CEP89: variants seen among roughly 807,000 people sequenced by gnomAD.
The protein encoded by CEP89 is centrosomal protein of 89 kDa.
In CEP89, 95 loss-of-function variants were observed where a neutral mutation model predicts 97.6. The ratio of observed to expected loss-of-function variants is 0.97; its 90% confidence interval spans 0.82 to 1.15. The LOEUF is 1.15. Ranked by LOEUF, CEP89 falls within the 50% of genes most tolerant of loss-of-function variation. The probability of loss-of-function intolerance (pLI) is 0.00; values close to 1 mark genes in which losing one functional copy is unlikely to be tolerated. For missense variants in CEP89, 869 were observed against 947.7 expected (o/e 0.92, Z 1.09); for synonymous variants, 354 against 349.1 (o/e 1.01, Z -0.16).
chr19:32,927,568 G>C (rs1180731608), intron 9 of CEP89, among the ~76,000 whole-genome samples: 1 of 151,954 alleles, frequency 6.6e-6, no homozygotes, highest in Admixed American at 6.6e-5. Flanking sequence ...ATCCAATTCA[G>C]GGTCACATGT....
chr19:32,934,087 C>G (rs1396709281), intron 7 of CEP89, among the ~76,000 whole-genome samples: 1 of 152,126 alleles, frequency 6.6e-6, no homozygotes, highest in East Asian at 1.9e-4. Context: ...AGAGTGGGGA[C>G]ACAGAGAAAA....
chr19:32,911,727 G>A (rs148105179), intron 14 of CEP89, among the ~76,000 whole-genome samples: 6 of 152,082 alleles, frequency 3.9e-5, no homozygotes, highest in African/African-American at 1.4e-4. Context: ...TCCAGTAATT[G>A]GAATCACTAG....
chr19:32,965,140 T>TG (rs1472086284), intron 2 of CEP89, among the ~76,000 whole-genome samples: 1 of 152,148 alleles, frequency 6.6e-6, no homozygotes, highest in African/African-American at 2.4e-5. Context: ...CTTAAACTCC[T>TG]GGGCACAAGC....
chr19:32,885,250 A>G (rs534262337), intron 17 of CEP89, among the ~76,000 whole-genome samples: 1 of 152,284 alleles, frequency 6.6e-6, no homozygotes, highest in Admixed American at 6.5e-5. Flanking sequence ...TCTAAGTCTT[A>G]TTTTACAGTT....
intron 14 of CEP89, among the ~76,000 whole-genome samples, chr19:32,906,253 C>T (rs1969885610): frequency 6.6e-6 from 1 of 152,026 alleles, no homozygotes; most frequent in Admixed American, 6.6e-5. Context: ...TCTATTCGCC[C>T]CTTGCCCACC....
intron 16 of CEP89, among the ~76,000 whole-genome samples, chr19:32,897,331 T>A (rs931406421): frequency 2.6e-5 from 4 of 152,200 alleles, no homozygotes; most frequent in African/African-American, 9.7e-5. Flanking sequence ...CATGGGGTCA[T>A]GGGTGCCATC....
chr19:32,899,474 A>T (rs746670435), intron 16 of CEP89, among the ~76,000 whole-genome samples: 4 of 152,164 alleles, frequency 2.6e-5, no homozygotes, highest in Non-Finnish European at 4.4e-5. Context: ...TTCTAGACTT[A>T]CAACAGGGCT....
chr19:32,885,621 C>G (rs979657639), intron 17 of CEP89, among the ~76,000 whole-genome samples: 2 of 152,150 alleles, frequency 1.3e-5, no homozygotes, highest in Non-Finnish European at 2.9e-5. Context: ...TGTGCCTGGC[C>G]ATTTTCTTTA....
chr19:32,930,021 CTTTTTTTTTTT>C (rs777333613), intron 9 of CEP89, among the ~76,000 whole-genome samples: 2 of 133,412 alleles, frequency 1.5e-5, no homozygotes, highest in African/African-American at 5.6e-5. Context: ...CTTTTTTTTC[CTTTTTTTTTTT>C]TTTTTTTGAG....
At chr19:32,928,854 G>A (rs1415618314) in intron 9 of CEP89, among the ~76,000 whole-genome samples, 1 of 152,146 alleles carries the variant, frequency 6.6e-6, no homozygotes, top group Non-Finnish European at 1.5e-5. Flanking sequence ...CTTCCTCCCT[G>A]CTCTGTGATC....
intron 14 of CEP89, among the ~76,000 whole-genome samples, chr19:32,903,820 T>C (rs184175026): frequency 3.3e-5 from 5 of 152,118 alleles, no homozygotes; most frequent in Non-Finnish European, 5.9e-5. Flanking sequence ...TGATGAAAAA[T>C]ACACACTGAT....
At chr19:32,959,634 C>T (rs561458275) in intron 3 of CEP89, among the ~76,000 whole-genome samples, 2 of 152,234 alleles carry the variant, frequency 1.3e-5, no homozygotes, top group South Asian at 4.1e-4. Context: ...ATGGCCAGGA[C>T]CCATACAAGT....
intron 7 of CEP89, 91 bp downstream of exon 7, chr19:32,937,540 A>T (rs1455466863): frequency 9.0e-7 from 1 of 1,106,058 alleles, no homozygotes; most frequent in Non-Finnish European, 1.4e-6. Flanking sequence ...TACAAGAAAA[A>T]GAAAATGTAA....
intron 6 of CEP89, among the ~76,000 whole-genome samples, chr19:32,938,328 T>C (rs1432661543): frequency 6.6e-6 from 1 of 152,080 alleles, no homozygotes; most frequent in African/African-American, 2.4e-5. Context: ...AGAGATGCCC[T>C]CAGCAAACTC....
intron 16 of CEP89, among the ~76,000 whole-genome samples, chr19:32,890,612 G>C (rs1047601076): frequency 1.1e-4 from 16 of 152,170 alleles, no homozygotes; most frequent in African/African-American, 3.6e-4. Flanking sequence ...CGACAGCCCA[G>C]ACAGGATGGG....
chr19:32,914,625 A>C (rs1260345487), intron 14 of CEP89, among the ~76,000 whole-genome samples: 1 of 152,042 alleles, frequency 6.6e-6, no homozygotes, highest in Non-Finnish European at 1.5e-5. Context: ...AGGCCAAAAC[A>C]GTATGAAAAA....
chr19:32,949,431 G>T (rs1970866351), intron 4 of CEP89, among the ~76,000 whole-genome samples: 1 of 151,978 alleles, frequency 6.6e-6, no homozygotes, highest in South Asian at 2.1e-4. Flanking sequence ...TGTCACCCTG[G>T]CTGGAGTGCA....
intron 5 of CEP89, among the ~76,000 whole-genome samples, chr19:32,942,111 C>G (rs1389751811): frequency 6.6e-6 from 1 of 152,062 alleles, no homozygotes; most frequent in East Asian, 1.9e-4. Flanking sequence ...GTCGGGCACA[C>G]TGGCACATGC....
At chr19:32,882,087 C>T in intron 17 of CEP89, 74 bp from the exon 18 acceptor site, 2 of 1,288,842 alleles carry the variant, frequency 1.6e-6, no homozygotes, top group South Asian at 2.7e-5. Flanking sequence ...TGGCTGTGCT[C>T]CCTACCCACT....
Sources: allele counts gnomAD v4.1 joint callset (sites outside exome capture counted in the v4.1 genomes callset), GRCh38; gene constraint gnomAD v4.1.1; transcripts MANE v1.5; gene names NCBI Gene and HGNC (gene_info 2026-07-23, HGNC 2026-07-21).